Variants in ITPR2 observed in about 807,000 individuals in gnomAD.
The protein encoded by ITPR2 is inositol 1,4,5-trisphosphate-gated calcium channel ITPR2.
ITPR2 carries 207 observed loss-of-function variants against 317.1 expected under a neutral mutation model. That is an observed-to-expected ratio of 0.65 (90% confidence interval 0.58 to 0.73). The LOEUF (loss-of-function observed/expected upper bound fraction) is 0.73. ITPR2 is among the 30% of genes least tolerant of loss of function. The pLI, the probability that ITPR2 is intolerant of heterozygous loss-of-function variation, is 0.00. For missense variants in ITPR2, 2,613 were observed against 3,284.0 expected, an observed-to-expected ratio of 0.80 and a Z score of 4.99; for synonymous variants, 1,156 against 1,149.1, an observed-to-expected ratio of 1.01 and a Z score of -0.12.
intron 55 of ITPR2, among the ~76,000 whole-genome samples, chr12:26,359,959 C>G (rs1409622989): frequency 1.3e-5 from 2 of 152,176 alleles, no homozygotes; most frequent in African/African-American, 4.8e-5. Context: ...TACGTGCCCA[C>G]TTTTTAAAAT....
chr12:26,694,450 C>T (rs556621783), intron 10 of ITPR2, among the ~76,000 whole-genome samples: 15 of 152,242 alleles, frequency 9.9e-5, no homozygotes, highest in Middle Eastern at 3.4e-3. Flanking sequence ...CCCCAAATCA[C>T]CTTACACAAA....
intron 37 of ITPR2, among the ~76,000 whole-genome samples, chr12:26,543,350 A>T (rs905621209): frequency 3.3e-5 from 5 of 151,968 alleles, no homozygotes; most frequent in African/African-American, 1.2e-4. Flanking sequence ...ACATACTATC[A>T]GATATTGTGT....
At chr12:26,339,570 C>A in intron 56 of ITPR2, 87 bp from the exon 57 acceptor site, 1 of 879,212 alleles carries the variant, frequency 1.1e-6, no homozygotes, top group East Asian at 2.5e-5. Flanking sequence ...AGTTAATATT[C>A]CCCAACTACC....
At chr12:26,420,637 T>C (rs2136688347) in intron 49 of ITPR2, among the ~76,000 whole-genome samples, 1 of 152,274 alleles carries the variant, frequency 6.6e-6, no homozygotes, top group South Asian at 2.1e-4. Flanking sequence ...ATGTTATCAC[T>C]TCATTCATGT....
chr12:26,612,458 G>A (rs1946290024), intron 26 of ITPR2, among the ~76,000 whole-genome samples: 1 of 152,190 alleles, frequency 6.6e-6, no homozygotes, highest in African/African-American at 2.4e-5. Flanking sequence ...CATTGATACT[G>A]TGATATATTT....
intron 50 of ITPR2, among the ~76,000 whole-genome samples, chr12:26,416,375 T>A (rs941673221): frequency 6.6e-6 from 1 of 152,216 alleles, no homozygotes; most frequent in African/African-American, 2.4e-5. Context: ...CATTCACTTT[T>A]AGAAAGGTAT....
chr12:26,496,787 C>T (rs892620718), intron 37 of ITPR2, among the ~76,000 whole-genome samples: 10 of 151,616 alleles, frequency 6.6e-5, no homozygotes, highest in Non-Finnish European at 1.3e-4. Context: ...ACTAAAAATA[C>T]GAAAAAATTA....
Position 26,340,342 on chromosome 12 carries a change from A to C in ITPR2, c.7858-14T>G. ...CAAATTCTTCTCCTGAAAGCAAATA[A>C]ATGTGTGCGAACAAGGGAATAAGTA... is the stretch of plus-strand genomic sequence containing the variant. On this transcript the variant is annotated splice_polypyrimidine_tract_variant and intron_variant, in intron 55 of 56. Coordinates refer to ENST00000381340, the MANE Select transcript of ITPR2 (RefSeq NM_002223.4). 1 of 1,586,642 alleles carries C rather than the reference A, an allele frequency of 6.3e-7. No individual in the cohort carries two copies. The highest frequency in any genetic ancestry group is 8.6e-7 in the Non-Finnish European group (1 of 1,165,266).
intron 21 of ITPR2, among the ~76,000 whole-genome samples, chr12:26,641,711 T>G (rs1243205237): frequency 6.6e-6 from 1 of 152,198 alleles, no homozygotes; most frequent in African/African-American, 2.4e-5. Context: ...TTGCCTGATG[T>G]GTAGCCTGGC....
intron 37 of ITPR2, among the ~76,000 whole-genome samples, chr12:26,546,179 T>C (rs1263601237): frequency 3.9e-5 from 6 of 152,216 alleles, no homozygotes; most frequent in Non-Finnish European, 8.8e-5. Flanking sequence ...TTTTGTTACA[T>C]GTATATAAAT....
chr12:26,381,999 T>C (rs530140542), intron 55 of ITPR2, among the ~76,000 whole-genome samples: 1 of 152,350 alleles, frequency 6.6e-6, no homozygotes, highest in South Asian at 2.1e-4. Flanking sequence ...GGGTATTTTT[T>C]CTAATGATGT....
chr12:26,569,734 TC>T (rs547198505), intron 34 of ITPR2, among the ~76,000 whole-genome samples: 178 of 152,244 alleles, frequency 1.2e-3, no homozygotes, highest in African/African-American at 4.2e-3. Flanking sequence ...AATGTTTTTT[TC>T]CTCACTCATA....
Position 26,383,008 on chromosome 12 carries a change from G to T in ITPR2, c.7857+4426C>A, listed in dbSNP as rs536163895. Among the ~76,000 whole-genome samples the T allele has an allele frequency of 2.6e-5, 4 of 152,194 alleles. No individual in the cohort carries two copies. In the East Asian group the frequency reaches 7.7e-4, roughly 29 times the overall value. ...ATTTGATCCCTGGTGTTGGAGGTGGGGCTTAGTGGGAGGCTTTTGGGTCAT... is the reference window on the plus strand; with the variant it reads ...ATTTGATCCCTGGTGTTGGAGGTGGTGCTTAGTGGGAGGCTTTTGGGTCAT... On this transcript the variant is annotated intron_variant, in intron 55 of 56. Transcript: ENST00000381340.
intron 36 of ITPR2, among the ~76,000 whole-genome samples, chr12:26,553,784 C>CA (rs1053616467): frequency 2.3e-4 from 32 of 141,864 alleles, no homozygotes; most frequent in Non-Finnish European, 2.0e-4. Flanking sequence ...GACTCCGTCT[C>CA]AAAAAAAAAG....
At chr12:26,617,706 A>AGGAAGGAG (rs1946401598) in intron 26 of ITPR2, among the ~76,000 whole-genome samples, 1 of 128,844 alleles carries the variant, frequency 7.8e-6, no homozygotes, top group Non-Finnish European at 1.7e-5. Flanking sequence ...GAAGGAGAGA[A>AGGAAGGAG]GGAAGGAGGG....
chr12:26,696,640 T>C (rs1948356820), intron 9 of ITPR2, among the ~76,000 whole-genome samples: 2 of 152,168 alleles, frequency 1.3e-5, no homozygotes, highest in South Asian at 2.1e-4. Context: ...AAATCTTCAA[T>C]GAACTGATGC....
chr12:26,373,254 C>G (rs1437245790), intron 55 of ITPR2, among the ~76,000 whole-genome samples: 1 of 152,088 alleles, frequency 6.6e-6, no homozygotes, highest in African/African-American at 2.4e-5. Flanking sequence ...ATTTTAGAAC[C>G]AGGACAGAAG....
intron 28 of ITPR2, 112 bp from the exon 29 acceptor site, chr12:26,600,221 T>A (rs897276664): frequency 4.7e-6 from 4 of 849,140 alleles, no homozygotes; most frequent in Non-Finnish European, 7.2e-6. Context: ...ATCTTTGATC[T>A]CCTTTCTCTG....
At chr12:26,575,923 G>A (rs11048587) in intron 34 of ITPR2, among the ~76,000 whole-genome samples, 48,706 of 151,980 alleles carry the variant, frequency 0.32, 8,509 homozygotes, top group Non-Finnish European at 0.4. Context: ...TGCCCGCTAC[G>A]CCCTGTGTAG....
Sources: allele counts gnomAD v4.1 joint callset (sites outside exome capture counted in the v4.1 genomes callset), GRCh38; gene constraint gnomAD v4.1.1; transcripts MANE v1.5; gene names NCBI Gene and HGNC (gene_info 2026-07-23, HGNC 2026-07-21).